TRAPPC9: variants seen among roughly 807,000 people sequenced by gnomAD.
TRAPPC9 encodes IKK2 binding protein.
TRAPPC9 carries 83 observed loss-of-function variants against 124.0 expected under a neutral mutation model. The observed-to-expected ratio is 0.67, with a 90% CI of 0.56 to 0.80. The LOEUF is 0.80. TRAPPC9 is among the 30% of genes least tolerant of loss of function. The pLI is 0.00. For synonymous variants in TRAPPC9, 638 were observed against 617.5 expected (o/e 1.03, Z -0.49); for missense variants, 1,302 against 1,508.3 (o/e 0.86, Z 2.27).
At chr8:140,377,792 C>T (rs2068486399) in intron 7 of TRAPPC9, among the ~76,000 whole-genome samples, 1 of 152,246 alleles carries the variant, frequency 6.6e-6, no homozygotes, top group East Asian at 1.9e-4. Flanking sequence ...CTACAAAACA[C>T]TAATGATGTG....
chr8:140,068,651 C>A (rs558097573), intron 17 of TRAPPC9, among the ~76,000 whole-genome samples: 1 of 152,288 alleles, frequency 6.6e-6, no homozygotes, highest in African/African-American at 2.4e-5. Flanking sequence ...TTATGAAATT[C>A]TTCAATCGAA....
intron 21 of TRAPPC9, among the ~76,000 whole-genome samples, chr8:139,754,960 C>T (rs759712687): frequency 5.9e-5 from 9 of 152,222 alleles, no homozygotes; most frequent in East Asian, 1.9e-4. Context: ...AGGAGCTGTG[C>T]GGCACACGGA....
chr8:140,272,343 TCACAGTGGAGAGA>T (rs2064959037), intron 15 of TRAPPC9, among the ~76,000 whole-genome samples: 12 of 116,610 alleles, frequency 1.0e-4, no homozygotes, highest in Admixed American at 1.0e-3. Flanking sequence ...GTTTTGGTGG[TCACAGTGGAGAGA>T]GTGGTGGTAG....
intron 17 of TRAPPC9, among the ~76,000 whole-genome samples, chr8:140,106,483 C>CGCA (rs2130440478): frequency 6.6e-6 from 1 of 152,298 alleles, no homozygotes; most frequent in Admixed American, 6.5e-5. Flanking sequence ...CCAAGATGCC[C>CGCA]GCAGGGTGAG....
chr8:139,745,001 C>T (rs543958872), intron 21 of TRAPPC9, among the ~76,000 whole-genome samples: 4 of 152,298 alleles, frequency 2.6e-5, no homozygotes, highest in African/African-American at 9.6e-5. Flanking sequence ...GGGGAGACCC[C>T]GGGGATGTGC....
intron 19 of TRAPPC9, among the ~76,000 whole-genome samples, chr8:139,971,436 G>A (rs1488032320): frequency 6.6e-6 from 1 of 152,090 alleles, no homozygotes; most frequent in East Asian, 1.9e-4. Flanking sequence ...GCTCCTCCTG[G>A]CCGGTGAATC....
chr8:140,156,971 A>AG, intron 17 of TRAPPC9, among the ~76,000 whole-genome samples: 4 of 138,798 alleles, frequency 2.9e-5, no homozygotes, highest in African/African-American at 1.1e-4. Context: ...TTTTCCATTC[A>AG]AAAGCCTCCC....
chr8:140,368,332 C>T (rs1335891285), intron 8 of TRAPPC9, among the ~76,000 whole-genome samples: 1 of 152,162 alleles, frequency 6.6e-6, no homozygotes, highest in Non-Finnish European at 1.5e-5. Flanking sequence ...GGTGAACACA[C>T]AAAGTGCCAA....
chr8:140,261,730 G>A (rs2064419986), intron 15 of TRAPPC9, among the ~76,000 whole-genome samples: 2 of 152,150 alleles, frequency 1.3e-5, no homozygotes, highest in African/African-American at 2.4e-5. Flanking sequence ...TCTTAAACGT[G>A]CTTCAACTGA....
At chr8:139,746,347 T>C (rs781160828) in intron 21 of TRAPPC9, among the ~76,000 whole-genome samples, 2 of 152,086 alleles carry the variant, frequency 1.3e-5, no homozygotes, top group Non-Finnish European at 2.9e-5. Flanking sequence ...CAAGGGGACT[T>C]AGAGGGAAAG....
In TRAPPC9 at chr8:139,987,164, C is replaced by T. The variant is rs79258819; in HGVS notation, c.2810+1562G>A. Reference sequence around the variant, plus strand: ...AAGAAAACACCGCCATTTGTTTGTCCGTTCTCCTGTAATGGACACCTGGCC... The same window carrying T: ...AAGAAAACACCGCCATTTGTTTGTCTGTTCTCCTGTAATGGACACCTGGCC... On this transcript the variant is annotated intron_variant, in intron 19 of 22. Coordinates refer to ENST00000438773, the MANE Select transcript of TRAPPC9 (RefSeq NM_001160372.4). Among the ~76,000 whole-genome samples, 961 of 152,286 alleles carry T rather than the reference C, an allele frequency of 6.3e-3. 8 individuals are homozygous for T. The highest frequency in any genetic ancestry group is 0.022 in the African/African-American group (919 of 41,550).
intron 17 of TRAPPC9, among the ~76,000 whole-genome samples, chr8:140,071,935 G>A (rs541295344): frequency 9.8e-5 from 15 of 152,288 alleles, no homozygotes; most frequent in African/African-American, 2.6e-4. Context: ...CAATCAGTGC[G>A]CTCTGCCACA....
intron 11 of TRAPPC9, among the ~76,000 whole-genome samples, chr8:140,297,971 T>C (rs7341592): frequency 0.033 from 5,066 of 152,278 alleles, 280 homozygotes; most frequent in African/African-American, 0.11. Flanking sequence ...ACGTGGTCTG[T>C]GATGTGAAAT....
intron 17 of TRAPPC9, among the ~76,000 whole-genome samples, chr8:140,094,413 T>A (rs1320301091): frequency 6.6e-6 from 1 of 152,142 alleles, no homozygotes; most frequent in African/African-American, 2.4e-5. Flanking sequence ...CGCACGGTCA[T>A]TCCATACCTC....
At chr8:139,744,324 A>T (rs551325433) in intron 21 of TRAPPC9, among the ~76,000 whole-genome samples, 1 of 152,244 alleles carries the variant, frequency 6.6e-6, no homozygotes, top group South Asian at 2.1e-4. Flanking sequence ...GTCAAATCAC[A>T]CAGTCCCCAC....
At chr8:140,395,384 C>T (rs893829388) in intron 7 of TRAPPC9, among the ~76,000 whole-genome samples, 1 of 152,174 alleles carries the variant, frequency 6.6e-6, no homozygotes, top group Non-Finnish European at 1.5e-5. Context: ...AGTAAATACA[C>T]TTTACAGAAG....
intron 17 of TRAPPC9, among the ~76,000 whole-genome samples, chr8:140,200,079 C>T (rs766601690): frequency 4.6e-5 from 7 of 152,108 alleles, no homozygotes; most frequent in Non-Finnish European, 7.3e-5. Flanking sequence ...AATAAGTCAA[C>T]GAAGAGTAGC....
chr8:139,883,269 C>T (rs971917530), intron 21 of TRAPPC9, among the ~76,000 whole-genome samples: 1 of 152,236 alleles, frequency 6.6e-6, no homozygotes, highest in African/African-American at 2.4e-5. Context: ...AGGGCCCTCG[C>T]CAGACATAGC....
intron 21 of TRAPPC9, among the ~76,000 whole-genome samples, chr8:139,789,084 C>T (rs1278149887): frequency 6.6e-6 from 1 of 152,214 alleles, no homozygotes; most frequent in African/African-American, 2.4e-5. Context: ...CATAAATTAT[C>T]CAAAATGCAC....
Sources: allele counts gnomAD v4.1 joint callset (sites outside exome capture counted in the v4.1 genomes callset), GRCh38; gene constraint gnomAD v4.1.1; transcripts MANE v1.5; gene names NCBI Gene and HGNC (gene_info 2026-07-23, HGNC 2026-07-21).